The following CAST variants were observed in gnomAD, a reference collection of about 807,000 sequenced individuals.
CAST encodes MIR583 host.
Under a neutral mutation model 119.6 loss-of-function variants are expected in CAST, and 76 were observed. The ratio of observed to expected loss-of-function variants is 0.64; its 90% CI spans 0.53 to 0.77. CAST has a LOEUF of 0.77. Among genes scored for constraint, CAST ranks in the 30% least tolerant of loss-of-function variants. The probability of loss-of-function intolerance (pLI) is 0.00; values close to 1 mark genes in which losing one functional copy is unlikely to be tolerated. For synonymous variants in CAST, 319 were observed against 331.6 expected, an observed-to-expected ratio of 0.96 and a Z score of 0.41; for missense variants, 953 against 946.5, an observed-to-expected ratio of 1.01 and a Z score of -0.09.
chr5:96,609,718 A>G (rs967816894), intron 1 of CAST, among the ~76,000 whole-genome samples: 8 of 152,264 alleles, frequency 5.3e-5, no homozygotes, highest in African/African-American at 1.7e-4. Flanking sequence ...GAGGATGATT[A>G]TAAGATGTAA....
At chr5:96,673,718 T>A (rs1750382785) in intron 1 of CAST, among the ~76,000 whole-genome samples, 1 of 152,252 alleles carries the variant, frequency 6.6e-6, no homozygotes, top group African/African-American at 2.4e-5. Flanking sequence ...CTTTTAGAAA[T>A]CTTTTGCTCA....
intron 2 of CAST, among the ~76,000 whole-genome samples, chr5:96,693,435 A>C (rs1287210853): frequency 6.6e-6 from 1 of 152,230 alleles, no homozygotes; most frequent in Non-Finnish European, 1.5e-5. Context: ...CCATTTATAG[A>C]CTTTAAGTAT....
chr5:96,041,904 A>C, the CAST span, among the ~76,000 whole-genome samples: 1 of 152,144 alleles, frequency 6.6e-6, no homozygotes, highest in Non-Finnish European at 1.5e-5. Flanking sequence ...TTCCAGAGGT[A>C]GAGCCAGTGA....
At chr5:96,437,011 T>G in the CAST span, among the ~76,000 whole-genome samples, 4 of 152,198 alleles carry the variant, frequency 2.6e-5, no homozygotes, top group African/African-American at 9.6e-5. Context: ...ATCAAGGTGG[T>G]GGACACGACT....
the CAST span, among the ~76,000 whole-genome samples, chr5:96,258,264 T>C: frequency 6.6e-6 from 1 of 152,166 alleles, no homozygotes; most frequent in Non-Finnish European, 1.5e-5. Flanking sequence ...GACATGATCG[T>C]GGGTTTGGTC....
intron 3 of CAST, among the ~76,000 whole-genome samples, chr5:96,703,750 C>A (rs541992324): frequency 6.6e-6 from 1 of 152,294 alleles, no homozygotes; most frequent in Admixed American, 6.5e-5. Context: ...TAATCAGCAG[C>A]TCTGGAAAGT....
At chr5:96,537,352 G>C (rs905256615) in intron 1 of CAST, among the ~76,000 whole-genome samples, 2 of 152,322 alleles carry the variant, frequency 1.3e-5, no homozygotes, top group East Asian at 1.9e-4. Context: ...TTTTACTAAA[G>C]TTGAAGCAAT....
intron 31 of CAST, 135 bp from the exon 32 acceptor site, chr5:96,772,505 A>C (rs1561640490): frequency 6.6e-6 from 1 of 152,606 alleles, no homozygotes; most frequent in Non-Finnish European, 1.5e-5. Flanking sequence ...CTATTAATCC[A>C]CTTTCATGTT....
the CAST span, among the ~76,000 whole-genome samples, chr5:96,106,041 C>A: frequency 6.6e-6 from 1 of 152,200 alleles, no homozygotes; most frequent in Non-Finnish European, 1.5e-5. Flanking sequence ...TTGTAGCATT[C>A]TCTGATGGTA....
the CAST span, among the ~76,000 whole-genome samples, chr5:96,187,689 T>A: frequency 1.3e-5 from 2 of 152,238 alleles, no homozygotes; most frequent in Non-Finnish European, 1.5e-5. Flanking sequence ...TTGTTTATCT[T>A]TGTATTTCCC....
chr5:96,558,426 T>C (rs1746288181), intron 1 of CAST, among the ~76,000 whole-genome samples: 1 of 152,122 alleles, frequency 6.6e-6, no homozygotes, highest in Non-Finnish European at 1.5e-5. Flanking sequence ...GGAGCTGGTT[T>C]TTTGAAAAGA....
chr5:96,619,666 T>G (rs1747555490), intron 1 of CAST, among the ~76,000 whole-genome samples: 1 of 152,152 alleles, frequency 6.6e-6, no homozygotes, highest in Admixed American at 6.5e-5. Context: ...GCGAGACCAC[T>G]AACCCACCAG....
chr5:96,338,337 G>A, the CAST span, among the ~76,000 whole-genome samples: 7 of 152,248 alleles, frequency 4.6e-5, no homozygotes, highest in South Asian at 6.2e-4. Flanking sequence ...GCCTTATGCT[G>A]TTTTACTTCT....
At chr5:96,202,238 A>G in the CAST span, among the ~76,000 whole-genome samples, 1 of 152,114 alleles carries the variant, frequency 6.6e-6, no homozygotes, top group Non-Finnish European at 1.5e-5. Flanking sequence ...GCATTCTTAA[A>G]ACCTAATACA....
chr5:96,392,988 C>T, the CAST span: 4 of 1,613,830 alleles, frequency 2.5e-6, no homozygotes, highest in Admixed American at 6.7e-5. Context: ...CAACTTGGGA[C>T]CACACACTTA....
chr5:96,316,817 C>G, the CAST span, among the ~76,000 whole-genome samples: 1 of 152,202 alleles, frequency 6.6e-6, no homozygotes, highest in African/African-American at 2.4e-5. Flanking sequence ...GTTATATATG[C>G]TGTAATTACT....
chr5:96,543,156 G>T (rs1745944005), intron 1 of CAST, among the ~76,000 whole-genome samples: 1 of 152,154 alleles, frequency 6.6e-6, no homozygotes, highest in Non-Finnish European at 1.5e-5. Context: ...ATGATAGACT[G>T]GATAAAGAAA....
the CAST span, chr5:96,247,738 G>T: frequency 6.6e-6 from 1 of 152,168 alleles, no homozygotes; most frequent in Non-Finnish European, 1.5e-5. Context: ...TTGGCTGGTC[G>T]GTAGCTTAGA....
chr5:96,115,676 G>A, the CAST span, among the ~76,000 whole-genome samples: 11 of 152,186 alleles, frequency 7.2e-5, no homozygotes, highest in Admixed American at 3.9e-4. Context: ...TGGTCTTCCT[G>A]CTTTAAGAAA....
Sources: gnomAD v4.1 joint callset for allele counts (sites outside exome capture counted in the v4.1 genomes callset) on GRCh38, gnomAD v4.1.1 for gene constraint, MANE v1.5 for transcripts, NCBI Gene and HGNC (gene_info 2026-07-23, HGNC 2026-07-21) for gene names.